The following SLC2A9 variants were observed in gnomAD, a reference collection of about 807,000 sequenced individuals.
The protein encoded by SLC2A9 is solute carrier family 2, facilitated glucose transporter member 9.
Under a neutral mutation model 50.6 loss-of-function variants are expected in SLC2A9, and 39 were observed. The ratio of observed to expected loss-of-function variants is 0.77; its 90% CI spans 0.60 to 1.01. SLC2A9 has a LOEUF of 1.01. SLC2A9 is among the 50% of genes least tolerant of loss of function. SLC2A9 has a pLI of 0.00. For synonymous variants in SLC2A9, 324 were observed against 276.9 expected, an observed-to-expected ratio of 1.17 and a Z score of -1.69; for missense variants, 686 against 677.6, an observed-to-expected ratio of 1.01 and a Z score of -0.14.
intron 3 of SLC2A9, among the ~76,000 whole-genome samples, chr4:9,817,907 C>G (rs572820141): frequency 6.6e-6 from 1 of 152,306 alleles, no homozygotes; most frequent in East Asian, 1.9e-4. Context: ...TTGTCTGTCC[C>G]TCCTGTTTGC....
chr4:9,771,988 T>C (rs974304648), intron 1 of SLC2A9, among the ~76,000 whole-genome samples: 5 of 152,174 alleles, frequency 3.3e-5, no homozygotes, highest in Non-Finnish European at 7.4e-5. Flanking sequence ...GACAAGCAGA[T>C]TGTGAAGGGC....
At chr4:9,829,587 A>G (rs888835668) in intron 11 of SLC2A9, among the ~76,000 whole-genome samples, 6 of 152,114 alleles carry the variant, frequency 3.9e-5, no homozygotes, top group African/African-American at 1.4e-4. Flanking sequence ...TACAACCTAC[A>G]CAATGAGAGA....
chr4:9,798,057 G>C (rs1720810572), downstream of SLC2A9, among the ~76,000 whole-genome samples: 1 of 152,212 alleles, frequency 6.6e-6, no homozygotes, highest in Non-Finnish European at 1.5e-5. Flanking sequence ...GAGCAGATGA[G>C]ATTTATTTTT....
At chr4:9,939,596 T>G (rs1298560812) in intron 6 of SLC2A9, among the ~76,000 whole-genome samples, 1 of 132,868 alleles carries the variant, frequency 7.5e-6, no homozygotes, top group Non-Finnish European at 1.6e-5. Context: ...CATCCTTGGT[T>G]TTTTTTTTTA....
rs372890003 is a variant in SLC2A9 at position 9,783,514 on chromosome 4, C to G, written n.386-3449G>C. On this transcript the variant is annotated intron_variant and non_coding_transcript_variant, in intron 3 of 3. Transcript: ENST00000503803. ...ATCTGCATAACCGCACAGACATTGACAAGCACGCACACACACGCAAATACA... is the reference window on the plus strand; with the variant it reads ...ATCTGCATAACCGCACAGACATTGAGAAGCACGCACACACACGCAAATACA... 3 of 1,493,832 alleles carry G rather than the reference C, an allele frequency of 2.0e-6. No homozygotes were observed. The East Asian group carries it at 6.8e-5, about 34-fold the overall frequency. 92.5% of individuals were successfully genotyped at this position (1,493,832 alleles called of 1,614,324 possible).
At chr4:9,776,524 C>T (rs1260410051), downstream of SLC2A9, among the ~76,000 whole-genome samples, 1 of 152,118 alleles carries the variant, frequency 6.6e-6, no homozygotes, top group African/African-American at 2.4e-5. Context: ...GCCGGCACAG[C>T]AAGAGTGCTT....
chr4:9,791,197 A>T (rs1232721006), intron 3 of SLC2A9, among the ~76,000 whole-genome samples: 1 of 152,254 alleles, frequency 6.6e-6, no homozygotes, highest in Non-Finnish European at 1.5e-5. Context: ...CAAAATAAAT[A>T]AGGAGTCTAT....
chr4:9,985,630 G>C, intron 4 of SLC2A9, 39 bp downstream of exon 4: 1 of 1,613,514 alleles, frequency 6.2e-7, no homozygotes, highest in Non-Finnish European at 8.5e-7. Flanking sequence ...CCCCCAAGGA[G>C]TATGTTACTG....
chr4:9,783,139 C>T, intron 3 of SLC2A9: 1 of 1,614,240 alleles, frequency 6.2e-7, no homozygotes, highest in Non-Finnish European at 8.5e-7. Context: ...AGGTGTTTGC[C>T]CAGCTGCTGG....
intron 5 of SLC2A9, among the ~76,000 whole-genome samples, chr4:9,970,736 ATACTC>A (rs1753768338): frequency 6.6e-6 from 1 of 152,118 alleles, no homozygotes; most frequent in Admixed American, 6.5e-5. Context: ...ATATTGTTTT[ATACTC>A]AGTACCTGTT....
intron 1 of SLC2A9, 49 bp from the exon 2 acceptor site, chr4:10,019,122 G>C: frequency 1.4e-6 from 2 of 1,479,184 alleles, no homozygotes; most frequent in South Asian, 2.4e-5. Context: ...CGCGCAGCCA[G>C]GGCCGAGGGA....
downstream of SLC2A9, chr4:9,826,138 G>T (rs549109717): frequency 2.6e-5 from 13 of 491,358 alleles, no homozygotes; most frequent in Non-Finnish European, 4.7e-5. Context: ...AGAACGCTGG[G>T]TCTACTGAAA....
intron 1 of SLC2A9, chr4:10,034,810 C>G (rs1261923151): frequency 6.6e-6 from 1 of 152,358 alleles, no homozygotes; most frequent in Non-Finnish European, 1.5e-5. Context: ...GGTGAAGCTA[C>G]TAGCCCAAAG....
intron 10 of SLC2A9, among the ~76,000 whole-genome samples, chr4:9,847,722 G>C (rs964272789): frequency 6.6e-6 from 1 of 152,118 alleles, no homozygotes; most frequent in South Asian, 2.1e-4. Flanking sequence ...TCCTTCATTG[G>C]GCAGTAATAA....
chr4:10,021,575 A>ATGATC, upstream of SLC2A9: 1 of 1,216,408 alleles, frequency 8.2e-7, no homozygotes, highest in Non-Finnish European at 1.2e-6. Context: ...CTGAACAGGC[A>ATGATC]ACGGGGCAAC....
At chr4:9,850,785 G>C (rs899199458) in intron 10 of SLC2A9, among the ~76,000 whole-genome samples, 7 of 152,096 alleles carry the variant, frequency 4.6e-5, no homozygotes, top group Admixed American at 3.3e-4. Context: ...CAGCACATGT[G>C]TGTGCATTCA....
intron 6 of SLC2A9, 142 bp from the exon 7 acceptor site, chr4:9,920,714 T>C (rs537074646): frequency 6.6e-6 from 6 of 912,938 alleles, no homozygotes; most frequent in Non-Finnish European, 1.0e-5. Flanking sequence ...TTTGAAACTA[T>C]GGAGTCCAAA....
Position 10,019,090 on chromosome 4 carries a change from C to CCA in SLC2A9, c.151-19_151-18dup. 1 of 1,549,730 alleles carries CCA rather than the reference C, an allele frequency of 6.5e-7. No individual in the cohort carries two copies. Among genetic ancestry groups the CCA allele is most frequent in the Non-Finnish European group, 8.7e-7 (1 of 1,145,614 alleles). ...GGACCAGTCCTGAGGGGAGAGGAAA[C>CCA]CACGTCAGAGCCGGCACCGGGCGCG... On this transcript the variant is annotated splice_polypyrimidine_tract_variant and intron_variant, in intron 1 of 11. Transcript: ENST00000264784.
chr4:9,836,007 A>G (rs1395136780), intron 10 of SLC2A9, among the ~76,000 whole-genome samples: 2 of 147,902 alleles, frequency 1.4e-5, no homozygotes, highest in Non-Finnish European at 3.0e-5. Flanking sequence ...GAATCATTTG[A>G]ACCTGGAAGG....
Sources: allele counts gnomAD v4.1 joint callset (sites outside exome capture counted in the v4.1 genomes callset), GRCh38; gene constraint gnomAD v4.1.1; transcripts MANE v1.5; gene names NCBI Gene and HGNC (gene_info 2026-07-23, HGNC 2026-07-21).